ZNF680: variants seen among roughly 807,000 people sequenced by gnomAD.
The protein encoded by ZNF680 is zinc finger protein 680.
A neutral mutation model predicts 12.1 loss-of-function variants in ZNF680; 6 were observed. The ratio of observed to expected loss-of-function variants is 0.49; its 90% CI spans 0.27 to 0.98. ZNF680 has a LOEUF of 0.98. Ranked by LOEUF, ZNF680 falls within the 50% of genes least tolerant of loss-of-function variation. ZNF680 has a pLI of 0.12. For missense variants in ZNF680, 561 were observed against 616.3 expected, an observed-to-expected ratio of 0.91 and a Z score of 0.95; for synonymous variants, 170 against 199.3, an observed-to-expected ratio of 0.85 and a Z score of 1.24.
At position 64,529,522 on chromosome 7, in the gene ZNF680, G is replaced by A. The variant is rs763718961; in HGVS notation, c.254-7022C>T. Among the ~76,000 whole-genome samples the A allele has an allele frequency of 1.3e-3, 204 of 152,056 alleles. 2 individuals carry two copies. Among genetic ancestry groups the A allele is most frequent in the Non-Finnish European group, 1.4e-3 (96 of 68,010 alleles). ...CACTTACAGTAAAGTCTCAGCAATA[G>A]AATTGAATGAATAGAAGAAAGAAAT... On this transcript the variant is annotated intron_variant, in intron 3 of 3. Transcript: ENST00000309683.
intron 1 of ZNF680, among the ~76,000 whole-genome samples, chr7:64,553,408 G>C (rs966689359): frequency 1.3e-5 from 2 of 152,166 alleles, no homozygotes; most frequent in Non-Finnish European, 2.9e-5. Flanking sequence ...TAGGAGAATA[G>C]AGCCTCTTAT....
chr7:64,547,799 C>T lies in ZNF680; in HGVS notation c.31-3367G>A, dbSNP rs1786862924. Reference sequence around the variant, plus strand: ...ATAGAAAACAAGTTGCTACATGGAACATTTCAGCAAGTACTGGTTTTTATA... The same window carrying T: ...ATAGAAAACAAGTTGCTACATGGAATATTTCAGCAAGTACTGGTTTTTATA... On this transcript the variant is annotated intron_variant, in intron 1 of 3. Coordinates refer to ENST00000309683, the MANE Select transcript of ZNF680 (RefSeq NM_178558.5). 2.0e-5 allele frequency among the ~76,000 whole-genome samples: 3 copies of T among 152,110 alleles called. No individual in the cohort carries two copies. In the South Asian group the frequency reaches 6.2e-4, roughly 32 times the overall value.
intron 3 of ZNF680, among the ~76,000 whole-genome samples, chr7:64,542,645 CAAG>C (rs1786565250): frequency 6.6e-6 from 1 of 151,940 alleles, no homozygotes; most frequent in Non-Finnish European, 1.5e-5. Flanking sequence ...CAAATTTAAA[CAAG>C]GAGGTAAAAA....
chr7:64,501,040 A>G, the ZNF680 span: 1 of 726,782 alleles, frequency 1.4e-6, no homozygotes, highest in East Asian at 2.6e-5. Flanking sequence ...AGAGAAGGGC[A>G]GAATAATTGC....
chr7:64,554,478 C>T (rs900362034), intron 1 of ZNF680, among the ~76,000 whole-genome samples: 2 of 152,164 alleles, frequency 1.3e-5, no homozygotes, highest in Admixed American at 1.3e-4. Flanking sequence ...ACCGGCTGCC[C>T]CGTCTGGGAG....
chr7:64,528,465 G>A (rs1785680821), intron 3 of ZNF680, among the ~76,000 whole-genome samples: 1 of 152,214 alleles, frequency 6.6e-6, no homozygotes, highest in South Asian at 2.1e-4. Flanking sequence ...CGTGAAAACA[G>A]TCTTGGTGCT....
chr7:64,548,950 G>A (rs375386537), intron 1 of ZNF680, among the ~76,000 whole-genome samples: 7 of 151,944 alleles, frequency 4.6e-5, no homozygotes, highest in South Asian at 4.2e-4. Context: ...GTGAAACCCC[G>A]TCTCTACTAA....
the ZNF680 span, among the ~76,000 whole-genome samples, chr7:64,509,753 T>TA: frequency 6.6e-6 from 1 of 152,052 alleles, no homozygotes; most frequent in Non-Finnish European, 1.5e-5. Context: ...TCCTGCCGAC[T>TA]AGCTTCTCCA....
chr7:64,552,590 TACTGTAACA>T (rs1416575620), intron 1 of ZNF680, among the ~76,000 whole-genome samples: 3 of 152,206 alleles, frequency 2.0e-5, no homozygotes, highest in African/African-American at 7.2e-5. Context: ...GACTAGTATC[TACTGTAACA>T]ATTTGGTAAT....
chr7:64,512,457 CAAAA>C, the ZNF680 span, among the ~76,000 whole-genome samples: 10 of 87,220 alleles, frequency 1.1e-4, no homozygotes, highest in Middle Eastern at 5.5e-3. Context: ...CCGTCTCCAG[CAAAA>C]AAAAAAAAAA....
chr7:64,504,950 A>C, the ZNF680 span, among the ~76,000 whole-genome samples: 1 of 152,192 alleles, frequency 6.6e-6, no homozygotes, highest in Non-Finnish European at 1.5e-5. Flanking sequence ...TCAATCTTTC[A>C]GTGTTAAGGC....
Position 64,521,999 on chromosome 7 carries a change from G to T in ZNF680, c.755C>A (p.Thr252Asn), listed in dbSNP as rs1562734853. Residue 252 changes from threonine (T) to asparagine (N), a missense_variant, in exon 4 of 4, where the codon ACC (threonine) becomes AAC (asparagine). Coordinates refer to ENST00000309683, the MANE Select transcript of ZNF680 (RefSeq NM_178558.5). ...ATGAATTTTCTTATGTTTAATAAGG[G>T]TTGAGGATTGGTTAAAGGCTTTGCC... The part of the protein sequence containing the change: ...ECGKAFNQSS[T>N]LIKHKKIHIE... 2 of 1,609,460 alleles carry T rather than the reference G, an allele frequency of 1.2e-6. No individual in the cohort carries two copies. Among genetic ancestry groups the T allele is most frequent in the South Asian group, 1.1e-5 (1 of 90,662 alleles).
chr7:64,506,933 C>G, the ZNF680 span, among the ~76,000 whole-genome samples: 1 of 152,128 alleles, frequency 6.6e-6, no homozygotes, highest in Non-Finnish European at 1.5e-5. Flanking sequence ...GTGTTATGGT[C>G]AGTACTCAGT....
intron 1 of ZNF680, among the ~76,000 whole-genome samples, chr7:64,550,083 T>C (rs955149430): frequency 2.0e-5 from 3 of 150,894 alleles, no homozygotes; most frequent in Non-Finnish European, 3.0e-5. Context: ...AAGATTCAAA[T>C]TGTCAAAAAT....
intron 1 of ZNF680, among the ~76,000 whole-genome samples, chr7:64,556,060 A>G (rs1787397675): frequency 6.6e-6 from 1 of 151,882 alleles, no homozygotes; most frequent in Non-Finnish European, 1.5e-5. Flanking sequence ...AATACACCTA[A>G]TCAGGGAGGT....
At chr7:64,540,514 AG>A (rs1395484381) in intron 3 of ZNF680, among the ~76,000 whole-genome samples, 1 of 152,076 alleles carries the variant, frequency 6.6e-6, no homozygotes, top group East Asian at 1.9e-4. Context: ...CATATTGGCC[AG>A]GCTGGTCTCG....
At position 64,521,841 on chromosome 7, in the gene ZNF680, A is replaced by T. The variant is rs773392286; in HGVS notation, c.913T>A (p.Trp305Arg). The T allele has an allele frequency of 4.3e-6, 7 of 1,613,302 alleles. No individual in the cohort carries two copies. The South Asian group carries it at 7.7e-5, about 18-fold the overall frequency. The change falls in exon 4 of 4, where the codon TGG becomes AGG. Residue 305 changes from tryptophan to arginine, a missense_variant. Trp to Arg is a moderately radical substitution (Grantham distance 101). Coordinates refer to ENST00000309683, the MANE Select transcript of ZNF680 (RefSeq NM_178558.5). ...TTATGGTTAGTAAGGGTTGCAAACCAGTTAAAGGCTTTGTGACATTCATCA... is the reference window on the plus strand; with the variant it reads ...TTATGGTTAGTAAGGGTTGCAAACCTGTTAAAGGCTTTGTGACATTCATCA... ...KCDECHKAFN[W>R]FATLTNHKRI...
At chr7:64,501,548 G>C in the ZNF680 span, 13 of 762,230 alleles carry the variant, frequency 1.7e-5, no homozygotes, top group Admixed American at 2.0e-4. Context: ...GCTCAGTGAA[G>C]AAAAATGAGA....
Position 64,522,035 on chromosome 7 carries a change from C to G in ZNF680, c.719G>C (p.Cys240Ser). 1 of 1,613,096 alleles carries G rather than the reference C, an allele frequency of 6.2e-7. No homozygotes were observed. Among genetic ancestry groups the G allele is most frequent in the Non-Finnish European group, 8.5e-7 (1 of 1,179,554 alleles). Residue 240 changes from cysteine to serine, a missense_variant, in exon 4 of 4, where the codon TGT becomes TCT. By Grantham distance (112) the Cys-to-Ser change is moderately radical (BLOSUM62 -1). Coordinates refer to ENST00000309683, the MANE Select transcript of ZNF680 (RefSeq NM_178558.5). ...GTTAAAGGCTTTGCCACATTCCTCACATTTGTAGGGTTTCTCTCCCATATG... is the reference window on the plus strand; with the variant it reads ...GTTAAAGGCTTTGCCACATTCCTCAGATTTGTAGGGTTTCTCTCCCATATG... ...GIHMGEKPYK[C>S]EECGKAFNQS...
Sources: gnomAD v4.1 joint callset for allele counts (sites outside exome capture counted in the v4.1 genomes callset) on GRCh38, gnomAD v4.1.1 for gene constraint, MANE v1.5 for transcripts, NCBI Gene and HGNC (gene_info 2026-07-23, HGNC 2026-07-21) for gene names.